UBE2V1: variants seen among roughly 807,000 people sequenced by gnomAD.
UBE2V1 encodes ubiquitin conjugating enzyme E2 V1.
In UBE2V1, 15 loss-of-function variants were observed where a neutral mutation model predicts 19.6. The observed-to-expected ratio is 0.77, with a 90% CI of 0.51 to 1.18. UBE2V1 has a LOEUF of 1.18. UBE2V1 is among the 50% of genes most tolerant of loss of function. The pLI, the probability that UBE2V1 is intolerant of heterozygous loss-of-function variation, is 0.00. For synonymous variants in UBE2V1, 60 were observed against 60.7 expected (o/e 0.99, Z 0.05); for missense variants, 125 against 184.8 (o/e 0.68, Z 1.88).
chr20:50,099,008 C>CA, intron 1 of UBE2V1: 1 of 976,936 alleles, frequency 1.0e-6, no homozygotes, highest in Non-Finnish European at 1.2e-6. Context: ...ACATTATAGG[C>CA]AAAAAGCCAG....
chr20:50,103,805 T>C (rs1226111220), intron 1 of UBE2V1, among the ~76,000 whole-genome samples: 2 of 152,088 alleles, frequency 1.3e-5, no homozygotes, highest in Admixed American at 6.6e-5. Context: ...ACACCTTTAC[T>C]TCCACACAGG....
At chr20:50,100,285 TAA>T (rs34807999) in intron 1 of UBE2V1, among the ~76,000 whole-genome samples, 4,448 of 122,092 alleles carry the variant, frequency 0.036, 232 homozygotes, top group African/African-American at 0.12. Flanking sequence ...TGTCTCTATT[TAA>T]AAAAAAAAAA....
intron 1 of UBE2V1, among the ~76,000 whole-genome samples, chr20:50,097,691 G>A (rs2079721760): frequency 6.6e-6 from 1 of 152,058 alleles, no homozygotes; most frequent in South Asian, 2.1e-4. Context: ...ATTTTCCCTG[G>A]CATATGCACT....
intron 2 of UBE2V1, among the ~76,000 whole-genome samples, chr20:50,091,748 C>A (rs2079243960): frequency 6.6e-6 from 1 of 152,120 alleles, no homozygotes; most frequent in South Asian, 2.1e-4. Context: ...AAGATGTCCA[C>A]CATCTATTAG....
chr20:50,094,298 T>TCATTATATAATATATAATTAATTATATA (rs59144352), intron 2 of UBE2V1, among the ~76,000 whole-genome samples: 1 of 81,140 alleles, frequency 1.2e-5, no homozygotes. Context: ...AATATATAAT[T>TCATTATATAATATATAATTAATTATATA]ATATATAATA....
intron 1 of UBE2V1, among the ~76,000 whole-genome samples, chr20:50,101,570 G>GCAAA (rs2079997286): frequency 7.7e-5 from 1 of 13,048 alleles, no homozygotes; most frequent in Non-Finnish European, 1.6e-4. Flanking sequence ...ACATTTATAA[G>GCAAA]CAAAAAAAAA....
Position 50,096,712 on chromosome 20 carries a change from G to A in UBE2V1, c.131C>T (p.Thr44Ile), listed in dbSNP as rs962500463. 6 of 1,613,990 alleles carry A rather than the reference G, an allele frequency of 3.7e-6. No individual in the cohort carries two copies. The highest frequency in any genetic ancestry group is 5.1e-6 in the Non-Finnish European group (6 of 1,179,966). The change falls in exon 2 of 4, where the codon ACA becomes ATA. Residue 44 changes from threonine (T) to isoleucine (I), a missense_variant. Transcript: ENST00000371674. Reference sequence around the variant, plus strand: ...TATCATCCCTGTCCATCTTGTAAGTGTCATGTCTTCGTCATCTTCTAGACC... The same window carrying A: ...TATCATCCCTGTCCATCTTGTAAGTATCATGTCTTCGTCATCTTCTAGACC... ...SWGLEDDEDMTLTRWTGMIIG... is the reference protein window; with the variant it reads ...SWGLEDDEDMILTRWTGMIIG...
intron 2 of UBE2V1, among the ~76,000 whole-genome samples, chr20:50,085,599 A>G (rs1430263038): frequency 6.6e-6 from 1 of 152,092 alleles, no homozygotes; most frequent in Non-Finnish European, 1.5e-5. Context: ...TCAGGAAAGG[A>G]GTCTTGTACT....
intron 1 of UBE2V1, among the ~76,000 whole-genome samples, chr20:50,111,080 T>C (rs1447458642): frequency 1.3e-5 from 2 of 152,244 alleles, no homozygotes; most frequent in Non-Finnish European, 2.9e-5. Context: ...ATACAGACTA[T>C]GTCCATTTTG....
intron 2 of UBE2V1, among the ~76,000 whole-genome samples, chr20:50,086,840 A>G (rs944608829): frequency 2.0e-5 from 3 of 152,194 alleles, no homozygotes; most frequent in African/African-American, 7.2e-5. Flanking sequence ...CACTTCGGGA[A>G]GCCGAGACAG....
At chr20:50,113,239 G>T, upstream of UBE2V1, 2 of 860,220 alleles carry the variant, frequency 2.3e-6, no homozygotes, top group Non-Finnish European at 3.1e-6. Flanking sequence ...GCTGACGCCC[G>T]CCCCGGAGAC....
Position 50,082,472 on chromosome 20 carries a change from C to T in UBE2V1, c.*296G>A. On this transcript the variant is annotated 3_prime_UTR_variant, in exon 4 of 4. Transcript: ENST00000371674. ...TTTCACAGTTGAGTTAGATGTGCCC[C>T]ACCAGTTATGATGGGAATCAATTTA... The T allele has an allele frequency of 3.0e-6, 1 of 335,630 alleles. No individual in the cohort carries two copies. Among genetic ancestry groups the T allele is most frequent in the Non-Finnish European group, 5.4e-6 (1 of 185,268 alleles). 20.8% of individuals were successfully genotyped at this position (335,630 alleles called of 1,614,324 possible). A position where few individuals can be genotyped will look rare whatever the true frequency, so the allele number is the denominator to read the frequency against.
upstream of UBE2V1, among the ~76,000 whole-genome samples, chr20:50,114,202 G>A (rs1162201531): frequency 6.6e-6 from 1 of 152,100 alleles, no homozygotes; most frequent in Non-Finnish European, 1.5e-5. Context: ...AGAGGTGAAG[G>A]GACTGGCTTA....
In UBE2V1 at chr20:50,096,491, G is replaced by A. The variant is rs753664846; in HGVS notation, c.171+181C>T. 3 of 1,492,058 alleles carry A rather than the reference G, an allele frequency of 2.0e-6. No homozygotes were observed. The East Asian group carries it at 7.4e-5, about 37-fold the overall frequency. 92.4% of individuals were successfully genotyped at this position (1,492,058 alleles called of 1,614,324 possible). On this transcript the variant is annotated intron_variant, in intron 2 of 3. Transcript: ENST00000371674. ...AACAGGTTTTTGCTTACCATTTAGA[G>A]GGGTTAAACAGCATCAGAGGAGGTT...
intron 2 of UBE2V1, among the ~76,000 whole-genome samples, chr20:50,094,063 G>GTT (rs1278838747): frequency 4.6e-5 from 6 of 130,018 alleles, no homozygotes; most frequent in East Asian, 2.1e-4. Flanking sequence ...TATTATGTAT[G>GTT]TTATATATAT....
At position 50,103,787 on chromosome 20, in the gene UBE2V1, G is replaced by A. The variant is rs374962950; in HGVS notation, c.23-6967C>T. On this transcript the variant is annotated intron_variant, in intron 1 of 3. Transcript: ENST00000371674. ...AGGCCCTCTCAGAGACCCCGGTCCC[G>A]GTCCCAAACACCTTTACTTCCACAC... is the stretch of plus-strand genomic sequence containing the variant. 5.6e-4 allele frequency among the ~76,000 whole-genome samples: 85 copies of A among 152,046 alleles called. No individual in the cohort carries two copies. The South Asian group carries it at 0.015, about 27-fold the overall frequency.
At chr20:50,113,182 T>TC (rs1236879898), upstream of UBE2V1, 11 of 680,634 alleles carry the variant, frequency 1.6e-5, no homozygotes, top group African/African-American at 1.3e-4. Flanking sequence ...CCCTTACCCG[T>TC]CCCCCGGCCC....
chr20:50,091,686 C>T (rs952471251), intron 2 of UBE2V1, among the ~76,000 whole-genome samples: 1 of 152,134 alleles, frequency 6.6e-6, no homozygotes, highest in African/African-American at 2.4e-5. Context: ...AGTTACCACG[C>T]CCCGCCTCAA....
At chr20:50,092,348 G>C (rs1330688496) in intron 2 of UBE2V1, among the ~76,000 whole-genome samples, 1 of 152,064 alleles carries the variant, frequency 6.6e-6, no homozygotes, top group Non-Finnish European at 1.5e-5. Context: ...CACTATTTTG[G>C]AGAACCCCAG....
Sources: gnomAD v4.1 joint callset for allele counts (sites outside exome capture counted in the v4.1 genomes callset) on GRCh38, gnomAD v4.1.1 for gene constraint, MANE v1.5 for transcripts, NCBI Gene and HGNC (gene_info 2026-07-23, HGNC 2026-07-21) for gene names.